DGKZ: variants seen among roughly 807,000 people sequenced by gnomAD.
DGKZ encodes the protein DAG kinase zeta.
DGKZ carries 45 observed loss-of-function variants against 142.5 expected under a neutral mutation model. The observed-to-expected ratio is 0.32, with a 90% CI of 0.25 to 0.40. The LOEUF is 0.40. Ranked by LOEUF, DGKZ falls within the 10% of genes least tolerant of loss-of-function variation. The pLI, the probability that DGKZ is intolerant of heterozygous loss-of-function variation, is 1.00. For synonymous variants in DGKZ, 442 were observed against 527.0 expected (o/e 0.84, Z 2.21); for missense variants, 755 against 1,306.5 (o/e 0.58, Z 6.51).
chr11:46,369,547 C>T (rs35267642), exon 5 of DGKZ: 10 of 1,612,570 alleles, frequency 6.2e-6, no homozygotes, highest in Admixed American at 1.7e-5. Flanking sequence ...GGAATGTCCG[C>T]GAGGTAAGTG....
chr11:46,347,904 G>A lies in DGKZ; in HGVS notation c.161+84G>A. The A allele has an allele frequency of 1.6e-6, 2 of 1,262,908 alleles. No homozygotes were observed. Among genetic ancestry groups the A allele is most frequent in the South Asian group, 5.1e-5 (2 of 38,972 alleles). The allele number at this position is 1,262,908 out of a possible 1,614,324, so 78.2% of individuals were successfully genotyped here. On this transcript the variant is annotated intron_variant, in intron 1 of 30. Coordinates refer to ENST00000527911, the Ensembl canonical transcript of DGKZ. The surrounding 1 kb of genome is among the most constrained non-coding windows in gnomAD (Gnocchi z 6.4). ...CGGGGGACATTCCTCGGCCACTGGG[G>A]GTCCGGGCCACTTCGGTACTGACAC...
intron 1 of DGKZ, among the ~76,000 whole-genome samples, chr11:46,341,916 G>C (rs1046860377): frequency 6.6e-6 from 1 of 152,146 alleles, no homozygotes; most frequent in Non-Finnish European, 1.5e-5. Context: ...ACAAAGAGGC[G>C]GAAAAGCAAG....
chr11:46,379,554 A>C, exon 30 of DGKZ: 3 of 1,609,528 alleles, frequency 1.9e-6, no homozygotes, highest in South Asian at 1.1e-5. Flanking sequence ...CTCGCTCATG[A>C]AGACAGACCA....
chr11:46,374,943 G>A lies in DGKZ; in HGVS notation c.1608G>A (p.Ala536=), dbSNP rs777145723. 1.1e-5 allele frequency: 17 copies of A among 1,607,066 alleles called. No individual in the cohort carries two copies. The highest frequency in any genetic ancestry group is 3.4e-5 in the Admixed American group (2 of 59,042). Residue 536 remains alanine, a synonymous_variant, in exon 19 of 31, where the codon GCG becomes GCA. Coordinates refer to ENST00000527911, the Ensembl canonical transcript of DGKZ. ...TCGCCCGCCTTTGCAGGTACTGTGC[G>A]GGCACCATGCCCTGGGGCCACCCTG...
rs1220162043 is a variant in DGKZ at position 46,371,660 on chromosome 11, C to T, written c.760-44C>T. The T allele has an allele frequency of 1.9e-6, 3 of 1,613,712 alleles. No individual in the cohort carries two copies. In the African/African-American group the frequency reaches 4.0e-5, roughly 22 times the overall value. ...ACGCACTTGGGGTCTGCCAGCTACCCCAGCCTGCCCACCTCGTCACCAACA... is the reference window on the plus strand; with the variant it reads ...ACGCACTTGGGGTCTGCCAGCTACCTCAGCCTGCCCACCTCGTCACCAACA... On this transcript the variant is annotated intron_variant, in intron 8 of 30. Coordinates refer to ENST00000527911, the Ensembl canonical transcript of DGKZ.
chr11:46,364,608 C>T (rs1943052545), intron 1 of DGKZ: 1 of 985,328 alleles, frequency 1.0e-6, no homozygotes, highest in African/African-American at 1.7e-5. Flanking sequence ...GGCACCTCCA[C>T]CCTGTCCATC....
chr11:46,370,076 G>T, intron 6 of DGKZ, 67 bp downstream of exon 6: 1 of 1,596,514 alleles, frequency 6.3e-7, no homozygotes, highest in Non-Finnish European at 8.6e-7. Flanking sequence ...CATGTGGCCG[G>T]TGTGGCCTGC....
At position 46,333,465 on chromosome 11, in the gene DGKZ, C is replaced by G; in HGVS notation, c.190C>G (p.Leu64Val). 2 of 1,539,142 alleles carry G rather than the reference C, an allele frequency of 1.3e-6. No homozygotes were observed. Residue 64 changes from leucine (L) to valine (V), a missense_variant, in exon 1 of 31, where the codon CTA becomes GTA. By Grantham distance (32) the Leu-to-Val change is conservative. Coordinates refer to the DGKZ transcript ENST00000343674. ...GGAGGAGCGTTTCCGCCAGCTGCACCTACGAAAGCAGGTGTCTTACAGGTA... is the reference window on the plus strand; with the variant it reads ...GGAGGAGCGTTTCCGCCAGCTGCACGTACGAAAGCAGGTGTCTTACAGGTA...
chr11:46,379,179 T>TGAC, intron 28 of DGKZ, 24 bp from the exon 29 acceptor site: 1 of 1,612,752 alleles, frequency 6.2e-7, no homozygotes, highest in Non-Finnish European at 8.5e-7. Context: ...CAGGCCTCTC[T>TGAC]GACCACCACC....
intron 4 of DGKZ, 163 bp downstream of exon 4, chr11:46,368,242 C>T: frequency 1.3e-6 from 1 of 747,622 alleles, no homozygotes; most frequent in Non-Finnish European, 2.4e-6. Context: ...CGTTCGAATC[C>T]TGGCTCCTCA....
At position 46,367,541 on chromosome 11, in the gene DGKZ, C is replaced by A; in HGVS notation, c.271-111C>A. ...TGGGGCAGACGGAACAGAGCAGGGT[C>A]GATCGGGGCGCTGGAGTGGGTTTGT... On this transcript the variant is annotated intron_variant, in intron 2 of 30. Transcript: ENST00000527911. This position sits in a 1 kb window ranked among gnomAD's most constrained non-coding sequence, Gnocchi z 4.1. The A allele has an allele frequency of 1.1e-6, 1 of 932,378 alleles. No individual in the cohort carries two copies. The highest frequency in any genetic ancestry group is 1.4e-6 in the Non-Finnish European group (1 of 714,432). 57.8% of individuals were successfully genotyped at this position (932,378 alleles called of 1,614,324 possible).
chr11:46,352,132 C>G (rs1345933523), intron 1 of DGKZ, among the ~76,000 whole-genome samples: 5 of 152,256 alleles, frequency 3.3e-5, no homozygotes, highest in Non-Finnish European at 7.3e-5. Context: ...AGTGGCCCCC[C>G]CGGGGCAGAG....
At chr11:46,340,002 T>G (rs558865331) in intron 1 of DGKZ, among the ~76,000 whole-genome samples, 8 of 152,296 alleles carry the variant, frequency 5.3e-5, no homozygotes, top group African/African-American at 1.9e-4. Flanking sequence ...AAAAGGCTAA[T>G]CAGAGATTGC....
At position 46,367,095 on chromosome 11, in the gene DGKZ, T is replaced by A; in HGVS notation, c.162-196T>A. Reference sequence around the variant, plus strand: ...GAGGGTTCCCCACTTGGGAACACTCTGGGCAGTACCCTGAAGCCAGCGTAC... The same window carrying A: ...GAGGGTTCCCCACTTGGGAACACTCAGGGCAGTACCCTGAAGCCAGCGTAC... On this transcript the variant is annotated intron_variant, in intron 1 of 30. Coordinates refer to ENST00000527911, the Ensembl canonical transcript of DGKZ. This position sits in a 1 kb window ranked among gnomAD's most constrained non-coding sequence, Gnocchi z 4.1. 1 of 1,371,542 alleles carries A rather than the reference T, an allele frequency of 7.3e-7. No individual in the cohort carries two copies. Among genetic ancestry groups the A allele is most frequent in the Non-Finnish European group, 9.9e-7 (1 of 1,009,902 alleles). 85.0% of individuals were successfully genotyped at this position (1,371,542 alleles called of 1,614,324 possible).
At chr11:46,362,181 G>T (rs1276923874) in intron 1 of DGKZ, among the ~76,000 whole-genome samples, 1 of 152,198 alleles carries the variant, frequency 6.6e-6, no homozygotes, top group East Asian at 1.9e-4. Flanking sequence ...GCTGCTGGAG[G>T]TGGGGTCGCC....
At chr11:46,371,849 A>AC in intron 9 of DGKZ, 74 bp downstream of exon 9, 1 of 1,522,048 alleles carries the variant, frequency 6.6e-7, no homozygotes, top group Non-Finnish European at 9.0e-7. Flanking sequence ...CAGAACTTCC[A>AC]CCCCCAGCTA....
intron 1 of DGKZ, chr11:46,365,400 G>C: frequency 1.0e-6 from 1 of 985,434 alleles, no homozygotes; most frequent in Non-Finnish European, 1.2e-6. Flanking sequence ...GCACCAGAAA[G>C]TTCTTACCAT....
chr11:46,345,784 G>A (rs1004611511), upstream of DGKZ, among the ~76,000 whole-genome samples: 38 of 152,186 alleles, frequency 2.5e-4, no homozygotes, highest in Admixed American at 2.4e-3. The surrounding 1 kb of genome is among the most constrained non-coding windows in gnomAD (Gnocchi z 4.1). Context: ...CTGAGCTCGA[G>A]AGAGGCCAGG....
chr11:46,366,983 G>A (rs183591225), intron 1 of DGKZ: 22 of 1,525,416 alleles, frequency 1.4e-5, no homozygotes, highest in African/African-American at 1.4e-4. Flanking sequence ...CGCCCTGCTC[G>A]CGTAGGTATA....
Sources: allele counts gnomAD v4.1 joint callset (sites outside exome capture counted in the v4.1 genomes callset), GRCh38; gene constraint gnomAD v4.1.1; non-coding constraint Gnocchi (gnomAD v3.1); transcripts MANE v1.5; gene names NCBI Gene and HGNC (gene_info 2026-07-23, HGNC 2026-07-21).